NLRP1: variants seen among roughly 807,000 people sequenced by gnomAD.
The protein encoded by NLRP1 is NACHT, LRR and PYD domains-containing protein 1.
Under a neutral mutation model 136.7 loss-of-function variants are expected in NLRP1, and 94 were observed. The observed-to-expected ratio is 0.69, with a 90% CI of 0.58 to 0.82. NLRP1 has a LOEUF of 0.82. Among genes scored for constraint, NLRP1 ranks in the 40% least tolerant of loss-of-function variants. The probability of loss-of-function intolerance (pLI) is 0.00; values close to 1 mark genes in which losing one functional copy is unlikely to be tolerated. For synonymous variants in NLRP1, 690 were observed against 725.1 expected (o/e 0.95, Z 0.78); for missense variants, 1,575 against 1,802.7 (o/e 0.87, Z 2.29).
chr17:5,569,312 A>G (rs1915634117), intron 3 of NLRP1, among the ~76,000 whole-genome samples: 1 of 152,190 alleles, frequency 6.6e-6, no homozygotes, highest in African/African-American at 2.4e-5. Context: ...TGCTCCCATT[A>G]AAAGGCACAG....
In NLRP1 at chr17:5,558,671, C is replaced by G. The variant is rs769474487; in HGVS notation, c.2025G>C (p.Leu675Phe). The G allele has an allele frequency of 1.2e-6, 2 of 1,614,086 alleles. No homozygotes were observed. The highest frequency in any genetic ancestry group is 1.7e-6 in the Non-Finnish European group (2 of 1,179,998). ...TCTCCCCCTCATCACTTAACAGGCC[C>G]AATAGGAAACGTGTGGTTGATGCCC... ...LFGASTTRFL[L>F]GLLSDEGERE... is the part of the protein sequence containing the mutation. The change falls in exon 4 of 17, where the codon TTG (leucine) becomes TTC (phenylalanine). Residue 675 changes from leucine (L) to phenylalanine (F), a missense_variant. Transcript: ENST00000572272.
Position 5,520,995 on chromosome 17 carries a change from T to C in NLRP1, c.3801A>G (p.Glu1267=). The change falls in exon 14 of 17, where the codon GAA becomes GAG. Residue 1267 remains glutamate, a synonymous_variant. Coordinates refer to ENST00000572272, the MANE Select transcript of NLRP1 (RefSeq NM_033004.4). ...GGATTCGCACAAACTGGAATTTCAT[T>C]TCTAGATCATCTATGGCCTACAGAA... The part of the protein sequence containing the change: ...CSIRKAIDDL[E]MKFQFVRIHK... 1 of 1,610,062 alleles carries C rather than the reference T, an allele frequency of 6.2e-7. No homozygotes were observed. The highest frequency in any genetic ancestry group is 8.5e-7 in the Non-Finnish European group (1 of 1,177,874).
intron 14 of NLRP1, among the ~76,000 whole-genome samples, chr17:5,519,098 G>A (rs1343743772): frequency 1.3e-5 from 2 of 151,740 alleles, no homozygotes; most frequent in Non-Finnish European, 2.9e-5. Flanking sequence ...CGCCTCCCAG[G>A]TTCATGCCAT....
At chr17:5,570,100 G>A (rs1048291854) in intron 3 of NLRP1, among the ~76,000 whole-genome samples, 1 of 152,058 alleles carries the variant, frequency 6.6e-6, no homozygotes, top group African/African-American at 2.4e-5. Context: ...AATTCTCTGG[G>A]ACACAGATAA....
chr17:5,506,091 C>A (rs1422941580), intron 15 of NLRP1: 1 of 151,960 alleles, frequency 6.6e-6, no homozygotes, highest in East Asian at 1.9e-4. Context: ...TCGAGACCAG[C>A]CTGACCAACA....
Position 5,515,628 on chromosome 17 carries a change from G to T in NLRP1, c.4058-111C>A. 3 of 877,300 alleles carry T rather than the reference G, an allele frequency of 3.4e-6. No homozygotes were observed. In the Admixed American group the frequency reaches 6.0e-5, roughly 17 times the overall value. The allele number at this position is 877,300 out of a possible 1,614,324, so 54.3% of individuals were successfully genotyped here. Reference sequence around the variant, plus strand: ...CTGAGATTCTTTGATTTAGAAAAAAGCCACAGACAAATTCTGGTAGAATCT... The same window carrying T: ...CTGAGATTCTTTGATTTAGAAAAAATCCACAGACAAATTCTGGTAGAATCT... On this transcript the variant is annotated intron_variant, in intron 15 of 16. Coordinates refer to ENST00000572272, the MANE Select transcript of NLRP1 (RefSeq NM_033004.4).
At chr17:5,511,939 A>C (rs1312356713), downstream of NLRP1, 1 of 375,634 alleles carries the variant, frequency 2.7e-6, no homozygotes, top group Non-Finnish European at 5.0e-6. Flanking sequence ...TGATATTTAC[A>C]GTATAGTCCT....
intron 5 of NLRP1, among the ~76,000 whole-genome samples, chr17:5,544,980 G>C (rs2151780937): frequency 6.6e-6 from 1 of 152,226 alleles, no homozygotes; most frequent in East Asian, 1.9e-4. Context: ...GAAGGAGGCT[G>C]AAGGTGGGGC....
chr17:5,525,448 G>C (rs8079072), intron 12 of NLRP1, among the ~76,000 whole-genome samples: 11,602 of 152,288 alleles, frequency 0.076, 589 homozygotes, highest in South Asian at 0.18. Flanking sequence ...CTGTCCAGGA[G>C]CCTGGGGACT....
chr17:5,559,059 G>C lies in NLRP1; in HGVS notation c.1637C>G (p.Thr546Ser). Residue 546 changes from threonine (T) to serine (S), a missense_variant, in exon 4 of 17, where the codon ACC becomes AGC. Physicochemically the swap from Thr to Ser is moderately conservative, Grantham distance 58. Coordinates refer to ENST00000572272, the MANE Select transcript of NLRP1 (RefSeq NM_033004.4). Reference protein sequence around the residue: ...RKEKLTLTSKTTTTLCLHYLA... With the variant: ...RKEKLTLTSKSTTTLCLHYLA... ...GTAATGTAGACAGAGGGTTGTGGTG[G>C]TCTTGGAAGTCAGTGTGAGTTTTTC... is the stretch of plus-strand genomic sequence containing the variant. 6.2e-7 allele frequency: 1 copy of C among 1,614,162 alleles called. No individual in the cohort carries two copies. The highest frequency in any genetic ancestry group is 8.5e-7 in the Non-Finnish European group (1 of 1,180,020).
At chr17:5,501,877 A>G (rs765906733) in intron 15 of NLRP1, 2 of 1,612,756 alleles carry the variant, frequency 1.2e-6, no homozygotes, top group Non-Finnish European at 1.7e-6. Flanking sequence ...TCCTTCCTGG[A>G]ATGGAGGGAG....
At chr17:5,563,294 A>G (rs1238544295) in intron 3 of NLRP1, among the ~76,000 whole-genome samples, 1 of 152,232 alleles carries the variant, frequency 6.6e-6, no homozygotes, top group Non-Finnish European at 1.5e-5. Flanking sequence ...GAAATGACAG[A>G]CATAGAATTC....
intron 3 of NLRP1, among the ~76,000 whole-genome samples, chr17:5,578,994 A>G (rs1271741873): frequency 6.6e-6 from 1 of 152,186 alleles, no homozygotes; most frequent in Non-Finnish European, 1.5e-5. Context: ...CATCATTCTC[A>G]GCAAACTATC....
Position 5,520,883 on chromosome 17 carries a change from T to TG in NLRP1, c.3912dup (p.Lys1305GlnfsTer38). The stretch of plus-strand genomic sequence containing the variant: ...GAGGCAGACACTGGGCTGCTCACCT[T>TG]GGGGAGTATTTCCAGCATCCCTGAA... On this transcript the variant is annotated frameshift_variant, in exon 14 of 17. Coordinates refer to ENST00000572272, the MANE Select transcript of NLRP1 (RefSeq NM_033004.4). LOFTEE classifies it high-confidence loss of function. 6.3e-7 allele frequency: 1 copy of TG among 1,598,376 alleles called. No individual in the cohort carries two copies.
In NLRP1 at chr17:5,533,423, G is replaced by A. The variant is rs1234262179; in HGVS notation, c.3053-39C>T. ...AAAAATATCAGCCAGGCATGGTGGT[G>A]AGCATCTGCAGTCCCAGTTCTACTC... is the stretch of plus-strand genomic sequence containing the variant. On this transcript the variant is annotated intron_variant, in intron 9 of 16. Transcript: ENST00000572272. The A allele has an allele frequency of 3.9e-6, 3 of 776,828 alleles. No homozygotes were observed. In the Admixed American group the frequency reaches 6.0e-5, roughly 16 times the overall value. 48.1% of individuals were successfully genotyped at this position (776,828 alleles called of 1,614,324 possible).
rs1171936239 is a variant in NLRP1 at position 5,533,292 on chromosome 17, C to T, written c.3133+12G>A. On this transcript the variant is annotated intron_variant, in intron 10 of 16. Transcript: ENST00000572272. ...TCAAAAGATGAAAGGGGCCAGGCAC[C>T]GTGGCTCTTGCCTGCAATCTCAGCA... 1.5e-5 allele frequency: 23 copies of T among 1,551,418 alleles called. No homozygotes were observed. The highest frequency in any genetic ancestry group is 5.9e-5 in the Admixed American group (3 of 50,986).
At chr17:5,546,604 T>C (rs1160789164) in intron 5 of NLRP1, among the ~76,000 whole-genome samples, 2 of 152,198 alleles carry the variant, frequency 1.3e-5, no homozygotes, top group Non-Finnish European at 2.9e-5. Context: ...GACACCAGCT[T>C]ATTCAATGCA....
chr17:5,580,259 A>C (rs183153002), intron 3 of NLRP1, among the ~76,000 whole-genome samples: 209 of 152,162 alleles, frequency 1.4e-3, no homozygotes, highest in Middle Eastern at 6.8e-3. Flanking sequence ...CAAAAAACAA[A>C]AAACAACAAA....
intron 3 of NLRP1, among the ~76,000 whole-genome samples, chr17:5,569,793 C>T (rs191018992): frequency 1.3e-5 from 2 of 152,262 alleles, no homozygotes; most frequent in East Asian, 1.9e-4. Context: ...ACAGAACTCT[C>T]CACCCCAAAC....
Sources: allele counts gnomAD v4.1 joint callset (sites outside exome capture counted in the v4.1 genomes callset), GRCh38; gene constraint gnomAD v4.1.1; transcripts MANE v1.5; gene names NCBI Gene and HGNC (gene_info 2026-07-23, HGNC 2026-07-21).